Variants in ZMYND11 observed in about 807,000 individuals in gnomAD.
The protein encoded by ZMYND11 is zinc finger MYND domain-containing protein 11.
A neutral mutation model predicts 84.9 loss-of-function variants in ZMYND11; 9 were observed. The observed-to-expected ratio is 0.11, with a 90% CI of 0.06 to 0.18. The LOEUF is 0.18. Among genes scored for constraint, ZMYND11 ranks in the 10% least tolerant of loss-of-function variants. ZMYND11 has a pLI of 1.00. For synonymous variants in ZMYND11, 250 were observed against 244.1 expected (o/e 1.02, Z -0.23); for missense variants, 409 against 761.0 (o/e 0.54, Z 5.44).
intron 14 of ZMYND11, among the ~76,000 whole-genome samples, chr10:250,591 C>G (rs1404504253): frequency 6.6e-6 from 1 of 152,200 alleles, no homozygotes; most frequent in Admixed American, 6.5e-5. Context: ...TTTTGTAGCA[C>G]TTTACCATTT....
At chr10:139,506 G>A (rs1474074347) in intron 1 of ZMYND11, among the ~76,000 whole-genome samples, 1 of 152,130 alleles carries the variant, frequency 6.6e-6, no homozygotes, top group South Asian at 2.1e-4. Context: ...AGATGTTAGT[G>A]ACCTGGAGGT....
intron 2 of ZMYND11, among the ~76,000 whole-genome samples, chr10:203,369 A>G (rs1034889749): frequency 3.3e-5 from 5 of 152,186 alleles, no homozygotes; most frequent in Non-Finnish European, 7.4e-5. Flanking sequence ...CAGTAAATGT[A>G]AAATATCTAG....
chr10:159,737 A>C (rs1420608156), intron 1 of ZMYND11, among the ~76,000 whole-genome samples: 2 of 152,152 alleles, frequency 1.3e-5, no homozygotes, highest in Non-Finnish European at 2.9e-5. Flanking sequence ...TGGGATGTGC[A>C]AAGAGTTTAC....
chr10:203,257 A>C (rs2131147447), intron 2 of ZMYND11, among the ~76,000 whole-genome samples: 1 of 152,172 alleles, frequency 6.6e-6, no homozygotes, highest in East Asian at 1.9e-4. Context: ...ATTTGCAGAC[A>C]AACCTGAAAC....
rs1838669442 is a variant in ZMYND11, at chr10:145,711, A to G, written c.-20+10152A>G. Among the ~76,000 whole-genome samples, 4 of 151,972 alleles carry G rather than the reference A, an allele frequency of 2.6e-5. No homozygotes were observed. The Middle Eastern group carries it at 0.014, about 517-fold the overall frequency. ...GTATATCTTTCTTTGAGAAGTGTCT[A>G]TTCATGTCATTTGTCCGCTTTTTGA... On this transcript the variant is annotated intron_variant, in intron 1 of 14. Transcript: ENST00000381604.
At chr10:154,503 G>A (rs570942312) in intron 1 of ZMYND11, among the ~76,000 whole-genome samples, 3 of 152,154 alleles carry the variant, frequency 2.0e-5, no homozygotes, top group African/African-American at 7.2e-5. Flanking sequence ...GCATGGTCAC[G>A]GAGGCCCCAG....
intron 2 of ZMYND11, among the ~76,000 whole-genome samples, chr10:196,218 A>T (rs756677648): frequency 6.6e-6 from 1 of 152,226 alleles, no homozygotes; most frequent in Non-Finnish European, 1.5e-5. Context: ...TCCTAATCAC[A>T]TGGAAGTTAC....
chr10:136,669 C>T (rs1157404681), intron 1 of ZMYND11, among the ~76,000 whole-genome samples: 2 of 152,008 alleles, frequency 1.3e-5, no homozygotes, highest in African/African-American at 4.8e-5. Context: ...AATATATTTA[C>T]CTTACCTGTT....
intron 1 of ZMYND11, among the ~76,000 whole-genome samples, chr10:146,552 T>C (rs545259132): frequency 6.6e-6 from 1 of 152,312 alleles, no homozygotes; most frequent in East Asian, 1.9e-4. Context: ...TTCAGTAGTG[T>C]TTTGTGGTTC....
At chr10:201,956 T>C (rs1456200555) in intron 2 of ZMYND11, among the ~76,000 whole-genome samples, 3 of 152,186 alleles carry the variant, frequency 2.0e-5, no homozygotes, top group Admixed American at 1.3e-4. Flanking sequence ...GTTTTCTCTT[T>C]ATTGGAAGAA....
At position 240,096 on chromosome 10, in the gene ZMYND11, A is replaced by G; in HGVS notation, c.738A>G (p.Lys246=). The G allele has an allele frequency of 6.2e-7, 1 of 1,611,754 alleles. No homozygotes were observed. Among genetic ancestry groups the G allele is most frequent in the African/African-American group, 1.3e-5 (1 of 75,006 alleles). Residue 246 remains lysine (K), a synonymous_variant, in exon 8 of 15, where the codon AAA becomes AAG. Transcript: ENST00000381604. ...CTGACATTGCGAGGATGCTATATAAAGACACATGTCATGAGGTACTATTCA... is the reference window on the plus strand; with the variant it reads ...CTGACATTGCGAGGATGCTATATAAGGACACATGTCATGAGGTACTATTCA... ...EQADIARMLY[K]DTCHELDELQ...
At chr10:213,229 T>A (rs1206287334) in intron 3 of ZMYND11, among the ~76,000 whole-genome samples, 1 of 152,182 alleles carries the variant, frequency 6.6e-6, no homozygotes, top group Non-Finnish European at 1.5e-5. Flanking sequence ...AGTGCATTTA[T>A]TCTAATAAAT....
At chr10:203,973 G>T (rs1398592253) in intron 2 of ZMYND11, among the ~76,000 whole-genome samples, 1 of 151,878 alleles carries the variant, frequency 6.6e-6, no homozygotes. Flanking sequence ...AATAATCCTT[G>T]GTACAGTTAT....
chr10:240,867 C>T (rs1266811138), intron 8 of ZMYND11, 26 bp from the exon 9 acceptor site: 2 of 1,577,498 alleles, frequency 1.3e-6, no homozygotes, highest in Admixed American at 1.7e-5. Context: ...TTTATGTAGG[C>T]TAAAGTAGTT....
intron 3 of ZMYND11, among the ~76,000 whole-genome samples, chr10:210,416 C>T (rs976643010): frequency 1.3e-5 from 2 of 152,136 alleles, no homozygotes; most frequent in South Asian, 2.1e-4. Context: ...GGGGATGAAC[C>T]GTCTTCCTAG....
chr10:165,509 C>A (rs1381102619), intron 1 of ZMYND11, among the ~76,000 whole-genome samples: 1 of 152,134 alleles, frequency 6.6e-6, no homozygotes, highest in African/African-American at 2.4e-5. Flanking sequence ...GACACCTGAA[C>A]TTAGTCTGTC....
intron 1 of ZMYND11, among the ~76,000 whole-genome samples, chr10:155,603 C>T (rs1187128192): frequency 6.6e-6 from 1 of 152,018 alleles, no homozygotes; most frequent in African/African-American, 2.4e-5. Flanking sequence ...TACAAACACA[C>T]GAAAAAGGTT....
chr10:193,748 G>C (rs1488495295), intron 2 of ZMYND11, among the ~76,000 whole-genome samples: 1 of 152,116 alleles, frequency 6.6e-6, no homozygotes, highest in Non-Finnish European at 1.5e-5. Context: ...ACTGCCTTCT[G>C]CTCCCTTCCA....
At chr10:168,583 A>G (rs1346103811) in intron 1 of ZMYND11, among the ~76,000 whole-genome samples, 9 of 152,164 alleles carry the variant, frequency 5.9e-5, no homozygotes, top group Non-Finnish European at 1.2e-4. Context: ...GCCACATTCA[A>G]AAAGTGATTC....
Sources: allele counts gnomAD v4.1 joint callset (sites outside exome capture counted in the v4.1 genomes callset), GRCh38; gene constraint gnomAD v4.1.1; transcripts MANE v1.5; gene names NCBI Gene and HGNC (gene_info 2026-07-23, HGNC 2026-07-21).